Variants in ZNF141 observed in about 807,000 individuals in gnomAD.
ZNF141 encodes zinc finger protein 141.
In ZNF141, 7 loss-of-function variants were observed where a neutral mutation model predicts 11.3. The observed-to-expected ratio is 0.62, with a 90% CI of 0.35 to 1.16. The LOEUF is 1.16. ZNF141 is among the 50% of genes most tolerant of loss of function. ZNF141 has a pLI of 0.02. For synonymous variants in ZNF141, 183 were observed against 190.7 expected (o/e 0.96, Z 0.33); for missense variants, 535 against 554.0 (o/e 0.97, Z 0.34).
chr4:350,240 C>T (rs1721532049), intron 3 of ZNF141: 2 of 534,230 alleles, frequency 3.7e-6, no homozygotes, highest in Admixed American at 1.9e-5. Flanking sequence ...TGAGTGAGGG[C>T]CTGCTTATTC....
Position 369,480 on chromosome 4 carries a change from C to T in ZNF141, c.227-3184C>T, listed in dbSNP as rs148230977. Reference sequence around the variant, plus strand: ...GTTGGATCTTGTTTTTTAATTTTTGCAATCAGTCCCTTTATTTGGTGCATG... The same window carrying T: ...GTTGGATCTTGTTTTTTAATTTTTGTAATCAGTCCCTTTATTTGGTGCATG... On this transcript the variant is annotated intron_variant, in intron 3 of 3. Coordinates refer to ENST00000240499, the MANE Select transcript of ZNF141 (RefSeq NM_003441.4). Among the ~76,000 whole-genome samples the T allele has an allele frequency of 1.3e-4, 19 of 151,896 alleles. No individual in the cohort carries two copies. The East Asian group carries it at 1.5e-3, about 12-fold the overall frequency.
Position 374,907 on chromosome 4 carries a change from T to C in ZNF141, c.*1045T>C, listed in dbSNP as rs183836055. 3.0e-4 allele frequency: 45 copies of C among 152,194 alleles called. 1 individual carries two copies. Among genetic ancestry groups the C allele is most frequent in the African/African-American group, 1.0e-3 (43 of 41,528 alleles). 9.4% of individuals were successfully genotyped at this position (152,194 alleles called of 1,614,324 possible). On this transcript the variant is annotated 3_prime_UTR_variant, in exon 4 of 4. Transcript: ENST00000240499. ...AACCACACTCAATCTATTCTAAATA[T>C]AAGAGAAATGATATTGGTGAGAAGC...
intron 1 of ZNF141, chr4:342,726 A>G (rs1553848707): frequency 2.5e-6 from 3 of 1,197,282 alleles, no homozygotes; most frequent in East Asian, 2.4e-5. Context: ...GATCCTGTCC[A>G]TTGTTCTGGG....
At chr4:359,486 G>T (rs555834163) in intron 3 of ZNF141, among the ~76,000 whole-genome samples, 1 of 152,120 alleles carries the variant, frequency 6.6e-6, no homozygotes, top group Non-Finnish European at 1.5e-5. Context: ...AATTCATAGG[G>T]CTGCTTCAGG....
intron 3 of ZNF141, chr4:358,696 G>C (rs1338508812): frequency 6.6e-6 from 1 of 152,626 alleles, no homozygotes; most frequent in Non-Finnish European, 1.5e-5. Flanking sequence ...TCCTGTCTCA[G>C]CCTCCCAAGT....
Position 372,968 on chromosome 4 carries a change from CA to C in ZNF141, c.534del (p.Lys178AsnfsTer9). 2 of 1,614,058 alleles carry C rather than the reference CA, an allele frequency of 1.2e-6. No individual in the cohort carries two copies. The highest frequency in any genetic ancestry group is 8.5e-7 in the Non-Finnish European group (1 of 1,179,980). On this transcript the variant is annotated frameshift_variant, in exon 4 of 4. Transcript: ENST00000240499. LOFTEE classifies it low-confidence loss of function (END_TRUNC). ...GAGAGAAACACTTTAAAGAATGTGG[CA>C]AATCATTTCAGAAGTTTTCACACCT... ...TGEKHFKECG[K>X]SFQKFSHLTQ...
chr4:384,455 TAAG>T lies in ZNF141; in HGVS notation c.*10596_*10598del, dbSNP rs1421052830. 3 of 152,336 alleles carry T rather than the reference TAAG, an allele frequency of 2.0e-5. No homozygotes were observed. The highest frequency in any genetic ancestry group is 6.5e-5 in the Admixed American group (1 of 15,294). The allele number at this position is 152,336 out of a possible 1,614,324, so 9.4% of individuals were successfully genotyped here. On this transcript the variant is annotated 3_prime_UTR_variant, in exon 4 of 4. Coordinates refer to ENST00000240499, the MANE Select transcript of ZNF141 (RefSeq NM_003441.4). Reference sequence around the variant, plus strand: ...TGTAGCTAGCAGGAAGAAATGTGGTTAAGAACTTCCTCTTATGCCAGGGTGTTG... The same window carrying T: ...TGTAGCTAGCAGGAAGAAATGTGGTTAACTTCCTCTTATGCCAGGGTGTTG...
intron 3 of ZNF141, among the ~76,000 whole-genome samples, chr4:354,798 T>G (rs963348561): frequency 6.6e-6 from 1 of 152,164 alleles, no homozygotes; most frequent in Non-Finnish European, 1.5e-5. Flanking sequence ...ACCCATTGGT[T>G]GTTCAGAAGC....
At position 381,895 on chromosome 4, in the gene ZNF141, G is replaced by C. The variant is rs537248131; in HGVS notation, c.*8033G>C. On this transcript the variant is annotated 3_prime_UTR_variant, in exon 4 of 4. Coordinates refer to ENST00000240499, the MANE Select transcript of ZNF141 (RefSeq NM_003441.4). The stretch of plus-strand genomic sequence containing the variant: ...AGAAGGGTCAAGATGAAATTGCTCA[G>C]AGAAACAGGAGGGCTGACCAAGCAG... 6.7e-6 allele frequency among the ~76,000 whole-genome samples: 1 copy of C among 150,168 alleles called. No individual in the cohort carries two copies. The highest frequency in any genetic ancestry group is 1.5e-5 in the Non-Finnish European group (1 of 67,806).
intron 3 of ZNF141, among the ~76,000 whole-genome samples, chr4:349,599 T>C (rs1721495803): frequency 6.6e-6 from 1 of 152,162 alleles, no homozygotes; most frequent in Admixed American, 6.6e-5. Context: ...TCACAGTTTG[T>C]ATAAACTATT....
chr4:343,044 GTTCCTTGCATGATTAAAAAAGTA>G (rs1553848768), intron 1 of ZNF141: 7 of 723,122 alleles, frequency 9.7e-6, no homozygotes, highest in Non-Finnish European at 1.4e-5. Context: ...TATTAAAAAA[GTTCCTTGCATGATTAAAAAAGTA>G]TTTAAAAAGT....
intron 3 of ZNF141, among the ~76,000 whole-genome samples, chr4:355,549 A>G (rs1381243225): frequency 3.3e-5 from 5 of 152,172 alleles, no homozygotes; most frequent in African/African-American, 1.2e-4. Flanking sequence ...TCATATAAAT[A>G]TAGGCATTCC....
At chr4:352,409 A>G (rs1365505761) in intron 3 of ZNF141, among the ~76,000 whole-genome samples, 1 of 151,968 alleles carries the variant, frequency 6.6e-6, no homozygotes, top group African/African-American at 2.4e-5. Context: ...AAGGTGGGAG[A>G]GGGAGAAGGC....
In ZNF141 at chr4:378,349, A is replaced by C. The variant is rs1244329975; in HGVS notation, c.*4487A>C. 1 of 150,004 alleles carries C rather than the reference A, an allele frequency of 6.7e-6. No homozygotes were observed. The highest frequency in any genetic ancestry group is 1.5e-5 in the Non-Finnish European group (1 of 67,568). The allele number at this position is 150,004 out of a possible 1,614,324, so 9.3% of individuals were successfully genotyped here. A position where few individuals can be genotyped will look rare whatever the true frequency, so the allele number is the denominator to read the frequency against. ...AGTGGTGCAATCTCAGCTCACTGCA[A>C]CCTCCGCCTCCCAGGTTCAAGTGAT... On this transcript the variant is annotated 3_prime_UTR_variant, in exon 4 of 4. Transcript: ENST00000240499.
At chr4:369,739 TA>T (rs1711934562) in intron 3 of ZNF141, among the ~76,000 whole-genome samples, 7 of 27,506 alleles carry the variant, frequency 2.5e-4, no homozygotes, top group Non-Finnish European at 4.2e-4. Flanking sequence ...CTTAAAGAGA[TA>T]TATATATATA....
At position 374,340 on chromosome 4, in the gene ZNF141, C is replaced by A; in HGVS notation, c.*478C>A. 3.0e-6 allele frequency: 1 copy of A among 331,098 alleles called. No individual in the cohort carries two copies. The highest frequency in any genetic ancestry group is 6.1e-6 in the Non-Finnish European group (1 of 163,734). 20.5% of individuals were successfully genotyped at this position (331,098 alleles called of 1,614,324 possible). A position where few individuals can be genotyped will look rare whatever the true frequency, so the allele number is the denominator to read the frequency against. ...TAAATGGTCCTCAACCCTTAATGAACGTAAGTGAATTCATGCTGGAGCAAA... is the reference window on the plus strand; with the variant it reads ...TAAATGGTCCTCAACCCTTAATGAAAGTAAGTGAATTCATGCTGGAGCAAA... On this transcript the variant is annotated 3_prime_UTR_variant, in exon 4 of 4. Coordinates refer to ENST00000240499, the MANE Select transcript of ZNF141 (RefSeq NM_003441.4).
rs1019776793 is a variant in ZNF141, at chr4:378,565, G to C, written c.*4703G>C. Among the ~76,000 whole-genome samples the C allele has an allele frequency of 1.3e-5, 2 of 152,084 alleles. No homozygotes were observed. Among genetic ancestry groups the C allele is most frequent in the Non-Finnish European group, 2.9e-5 (2 of 68,012 alleles). On this transcript the variant is annotated 3_prime_UTR_variant, in exon 4 of 4. Transcript: ENST00000240499. ...TTACAGGCATGAGCCACCGTGCCTG[G>C]CCAGAATATTATATCTTTGAGTGTG...
Position 373,585 on chromosome 4 carries a change from A to G in ZNF141, c.1148A>G (p.Asn383Ser). ...GCCTTTGGACGGTCCAGGGTCCTGAATGAACATAAAAAAATTCATACTGGA... is the reference window on the plus strand; with the variant it reads ...GCCTTTGGACGGTCCAGGGTCCTGAGTGAACATAAAAAAATTCATACTGGA... ...GKAFGRSRVLNEHKKIHTGEK... is the reference protein window; with the variant it reads ...GKAFGRSRVLSEHKKIHTGEK... The change falls in exon 4 of 4, where the codon AAT (asparagine) becomes AGT (serine). Residue 383 changes from asparagine to serine, a missense_variant. Physicochemically the swap from Asn to Ser is conservative, Grantham distance 46 (BLOSUM62 1). Transcript: ENST00000240499. 6 of 1,611,644 alleles carry G rather than the reference A, an allele frequency of 3.7e-6. No homozygotes were observed. The highest frequency in any genetic ancestry group is 1.7e-5 in the Admixed American group (1 of 59,836).
At chr4:348,890 A>G (rs971795664) in intron 3 of ZNF141, among the ~76,000 whole-genome samples, 1 of 150,826 alleles carries the variant, frequency 6.6e-6, no homozygotes, top group Admixed American at 6.6e-5. Context: ...ATCACATTGA[A>G]TCTATAGATC....
Sources: allele counts gnomAD v4.1 joint callset (sites outside exome capture counted in the v4.1 genomes callset), GRCh38; gene constraint gnomAD v4.1.1; transcripts MANE v1.5; gene names NCBI Gene and HGNC (gene_info 2026-07-23, HGNC 2026-07-21).